The following CNTNAP5 variants were observed in gnomAD, a reference collection of about 807,000 sequenced individuals.
CNTNAP5 encodes contactin-associated protein-like 5.
A neutral mutation model predicts 150.2 loss-of-function variants in CNTNAP5; 72 were observed. That is an observed-to-expected ratio of 0.48 (90% confidence interval 0.40 to 0.58). CNTNAP5 has a LOEUF of 0.58. CNTNAP5 is among the 20% of genes least tolerant of loss of function. The pLI is 0.00. For synonymous variants in CNTNAP5, 672 were observed against 619.8 expected (o/e 1.08, Z -1.25); for missense variants, 1,636 against 1,626.2 (o/e 1.01, Z -0.10).
intron 1 of CNTNAP5, among the ~76,000 whole-genome samples, chr2:124,072,142 G>T (rs1682320226): frequency 6.6e-6 from 1 of 151,898 alleles, no homozygotes; most frequent in Non-Finnish European, 1.5e-5. Flanking sequence ...CATTTCAACT[G>T]ATGCTGAAAA....
At chr2:124,757,091 C>T (rs1680856231) in intron 14 of CNTNAP5, among the ~76,000 whole-genome samples, 1 of 152,018 alleles carries the variant, frequency 6.6e-6, no homozygotes, top group Non-Finnish European at 1.5e-5. Context: ...GTTCCTTCTC[C>T]CCAAAATAGG....
At chr2:124,269,559 AC>A (rs1687690432) in intron 3 of CNTNAP5, among the ~76,000 whole-genome samples, 1 of 152,104 alleles carries the variant, frequency 6.6e-6, no homozygotes, top group Admixed American at 6.6e-5. Context: ...CATGATAAGC[AC>A]CAGGGAGAGG....
intron 1 of CNTNAP5, among the ~76,000 whole-genome samples, chr2:124,082,023 T>C (rs1350279915): frequency 1.3e-5 from 2 of 152,154 alleles, no homozygotes; most frequent in African/African-American, 2.4e-5. Flanking sequence ...CTACATCCTG[T>C]AATTTTTGTC....
At chr2:124,523,257 T>A (rs1027898391) in intron 8 of CNTNAP5, among the ~76,000 whole-genome samples, 3 of 152,196 alleles carry the variant, frequency 2.0e-5, no homozygotes, top group African/African-American at 7.2e-5. Context: ...GTACAAACAT[T>A]GTCCTCTTTG....
At chr2:124,682,684 G>T (rs1679094495) in intron 13 of CNTNAP5, among the ~76,000 whole-genome samples, 1 of 152,112 alleles carries the variant, frequency 6.6e-6, no homozygotes, top group African/African-American at 2.4e-5. Flanking sequence ...TGAAATGGTT[G>T]ATTTTATTTA....
chr2:124,070,797 T>C (rs1209086086), intron 1 of CNTNAP5, among the ~76,000 whole-genome samples: 1 of 151,956 alleles, frequency 6.6e-6, no homozygotes, highest in African/African-American at 2.4e-5. Flanking sequence ...AACTTCCAGA[T>C]AGAAAATCAA....
At chr2:124,247,743 AAG>A (rs575025746) in intron 3 of CNTNAP5, among the ~76,000 whole-genome samples, 2 of 152,128 alleles carry the variant, frequency 1.3e-5, no homozygotes, top group African/African-American at 4.8e-5. Flanking sequence ...AATGAATTTG[AAG>A]AGAGAGACTG....
At chr2:124,889,993 T>G (rs1434432445) in intron 21 of CNTNAP5, among the ~76,000 whole-genome samples, 2 of 152,136 alleles carry the variant, frequency 1.3e-5, no homozygotes, top group African/African-American at 2.4e-5. Flanking sequence ...TTGACTTATA[T>G]CTGTAAATTC....
chr2:124,720,325 G>A (rs1431688378), intron 13 of CNTNAP5, among the ~76,000 whole-genome samples: 2 of 152,164 alleles, frequency 1.3e-5, no homozygotes, highest in African/African-American at 2.4e-5. Flanking sequence ...CATTAAAACT[G>A]TTGAAAAATC....
At chr2:124,711,193 C>A (rs1375219476) in intron 13 of CNTNAP5, among the ~76,000 whole-genome samples, 1 of 152,030 alleles carries the variant, frequency 6.6e-6, no homozygotes, top group Non-Finnish European at 1.5e-5. Context: ...ACAGCTTGAA[C>A]CTGGGAGGCG....
chr2:124,569,341 C>T (rs1025751351), intron 11 of CNTNAP5, among the ~76,000 whole-genome samples: 4 of 151,896 alleles, frequency 2.6e-5, no homozygotes, highest in African/African-American at 7.3e-5. Flanking sequence ...TTATTATTGA[C>T]CCTCATTGTG....
chr2:124,100,590 G>A (rs1683040614), intron 1 of CNTNAP5, among the ~76,000 whole-genome samples: 1 of 152,112 alleles, frequency 6.6e-6, no homozygotes, highest in African/African-American at 2.4e-5. Flanking sequence ...AGTTGGCTGA[G>A]CACAGTGGCT....
intron 3 of CNTNAP5, among the ~76,000 whole-genome samples, chr2:124,358,022 C>T (rs1223755299): frequency 6.6e-6 from 1 of 151,368 alleles, no homozygotes; most frequent in Non-Finnish European, 1.5e-5. Context: ...AGGTCCTTCA[C>T]ATCCCTTGTA....
chr2:124,438,288 C>T lies in CNTNAP5; in HGVS notation c.733+3601C>T, dbSNP rs150809035. ...GATATGTTTCCTTTCTCACTTTTTA[C>T]ACATCTCATTCAAATTGCCCATGGC... On this transcript the variant is annotated intron_variant, in intron 5 of 23. Coordinates refer to ENST00000682447, the MANE Select transcript of CNTNAP5 (RefSeq NM_001367498.1). Among the ~76,000 whole-genome samples, 283 of 152,244 alleles carry T rather than the reference C, an allele frequency of 1.9e-3. 2 individuals carry two copies. The highest frequency in any genetic ancestry group is 6.5e-3 in the African/African-American group (269 of 41,552).
At chr2:124,519,542 C>T (rs1694807221) in intron 8 of CNTNAP5, among the ~76,000 whole-genome samples, 1 of 152,204 alleles carries the variant, frequency 6.6e-6, no homozygotes, top group African/African-American at 2.4e-5. Flanking sequence ...AACGCTGGCT[C>T]TGCCTCTGAG....
intron 3 of CNTNAP5, among the ~76,000 whole-genome samples, chr2:124,363,251 T>G (rs1690267240): frequency 6.6e-6 from 1 of 152,226 alleles, no homozygotes; most frequent in South Asian, 2.1e-4. Context: ...CCTTCCACTT[T>G]GGTGATAGTC....
At chr2:124,354,472 T>C (rs1161937169) in intron 3 of CNTNAP5, among the ~76,000 whole-genome samples, 1 of 152,210 alleles carries the variant, frequency 6.6e-6, no homozygotes, top group Non-Finnish European at 1.5e-5. Context: ...CAGGGGCAGA[T>C]ATTTTTAGTA....
intron 11 of CNTNAP5, among the ~76,000 whole-genome samples, chr2:124,582,189 G>C: frequency 6.6e-6 from 1 of 152,082 alleles, no homozygotes; most frequent in Middle Eastern, 3.2e-3. Flanking sequence ...GGAAGGCCTC[G>C]GTGGCTGTGT....
At chr2:124,826,418 A>C (rs1372163822) in intron 19 of CNTNAP5, among the ~76,000 whole-genome samples, 2 of 152,106 alleles carry the variant, frequency 1.3e-5, no homozygotes. Flanking sequence ...GGAGGTAAAG[A>C]GAGAAGGTGG....
Sources: gnomAD v4.1 joint callset for allele counts (sites outside exome capture counted in the v4.1 genomes callset) on GRCh38, gnomAD v4.1.1 for gene constraint, MANE v1.5 for transcripts, NCBI Gene and HGNC (gene_info 2026-07-23, HGNC 2026-07-21) for gene names.